Variants in CCDC88B observed in about 807,000 individuals in gnomAD.
The protein encoded by CCDC88B is coiled-coil domain-containing protein 88B.
A neutral mutation model predicts 183.7 loss-of-function variants in CCDC88B; 138 were observed. The observed-to-expected ratio is 0.75, with a 90% CI of 0.65 to 0.87. CCDC88B has a LOEUF of 0.87. Among genes scored for constraint, CCDC88B ranks in the 40% least tolerant of loss-of-function variants. The pLI is 0.00. For missense variants in CCDC88B, 1,822 were observed against 1,965.6 expected (o/e 0.93, Z 1.38); for synonymous variants, 835 against 867.5 (o/e 0.96, Z 0.66).
intron 26 of CCDC88B, chr11:64,356,642 C>T: frequency 3.8e-6 from 1 of 266,594 alleles, no homozygotes; most frequent in Non-Finnish European, 7.1e-6. Context: ...CCCATCTCAC[C>T]TACTTAGCTC....
intron 4 of CCDC88B, 25 bp from the exon 5 acceptor site, chr11:64,341,245 A>AC: frequency 6.2e-7 from 1 of 1,613,758 alleles, no homozygotes; most frequent in Non-Finnish European, 8.5e-7. Context: ...GCCCCAGTTA[A>AC]CCCCTTGTGG....
chr11:64,344,900 G>A lies in CCDC88B; in HGVS notation c.2359G>A (p.Ala787Thr), dbSNP rs1442138833. ...GGCCCACCGGGAGGCAGAGGCCCAG[G>A]CCTGGGAGCAAGCCCGGCTGCGGGA... is the stretch of plus-strand genomic sequence containing the variant. ...AEAHREAEAQ[A>T]WEQARLREAV... is the part of the protein sequence containing the mutation. The change falls in exon 14 of 27, where the codon GCC (alanine) becomes ACC (threonine). Residue 787 changes from alanine to threonine, a missense_variant. By Grantham distance (58) the Ala-to-Thr change is moderately conservative. Transcript: ENST00000356786. This position sits in a 1 kb window ranked among gnomAD's most constrained non-coding sequence, Gnocchi z 4.5. 7 of 1,588,400 alleles carry A rather than the reference G, an allele frequency of 4.4e-6. No individual in the cohort carries two copies. Among genetic ancestry groups the A allele is most frequent in the Non-Finnish European group, 6.0e-6 (7 of 1,167,342 alleles).
Position 64,353,435 on chromosome 11 carries a change from G to A in CCDC88B, c.3772G>A (p.Glu1258Lys), listed in dbSNP as rs369886852. ...TCAGGCCCTGAGCCGGGAGAACAGG[G>A]AGCTCCTGGAGCGCAGCCTGGAGAG... The part of the protein sequence containing the change: ...EVQALSRENR[E>K]LLERSLESRD... The change falls in exon 22 of 27, where the codon GAG (glutamate) becomes AAG (lysine). Residue 1258 changes from glutamate to lysine, a missense_variant. Physicochemically the swap from Glu to Lys is moderately conservative, Grantham distance 56. Coordinates refer to ENST00000356786, the MANE Select transcript of CCDC88B (RefSeq NM_032251.6). 3.1e-6 allele frequency: 5 copies of A among 1,613,006 alleles called. No individual in the cohort carries two copies. The highest frequency in any genetic ancestry group is 4.2e-6 in the Non-Finnish European group (5 of 1,179,978).
intron 25 of CCDC88B, 55 bp from the exon 26 acceptor site, chr11:64,355,505 G>C: frequency 9.3e-6 from 15 of 1,605,296 alleles, no homozygotes; most frequent in Non-Finnish European, 1.3e-5. Flanking sequence ...TCTCCTGCAA[G>C]CTCTGTCCAC....
chr11:64,353,899 G>A (rs2036440527), intron 23 of CCDC88B, 86 bp downstream of exon 23: 2 of 1,586,352 alleles, frequency 1.3e-6, no homozygotes, highest in African/African-American at 1.3e-5. Flanking sequence ...CCCAGCTCAG[G>A]TCCAGGCCCC....
Position 64,341,625 on chromosome 11 carries a change from G to A in CCDC88B, c.558G>A (p.Val186=). 6.2e-7 allele frequency: 1 copy of A among 1,604,520 alleles called. No individual in the cohort carries two copies. The highest frequency in any genetic ancestry group is 1.3e-5 in the African/African-American group (1 of 74,906). ...QEVTQPGAGV[V]LALSGPDPGE... ...TGACCCAGCCGGGGGCCGGCGTGGT[G>A]CTGGCACTGTCTGGGCCAGATCCTG... is the stretch of plus-strand genomic sequence containing the variant. Residue 186 remains valine (V), a synonymous_variant, in exon 7 of 27, where the codon GTG becomes GTA. Transcript: ENST00000356786.
At position 64,353,228 on chromosome 11, in the gene CCDC88B, C is replaced by A; in HGVS notation, c.3675C>A (p.Thr1225=). 6.4e-7 allele frequency: 1 copy of A among 1,565,786 alleles called. No homozygotes were observed. The highest frequency in any genetic ancestry group is 8.7e-7 in the Non-Finnish European group (1 of 1,154,780). The change falls in exon 21 of 27, where the codon ACC becomes ACA. Residue 1225 remains threonine (T), a synonymous_variant. Coordinates refer to ENST00000356786, the MANE Select transcript of CCDC88B (RefSeq NM_032251.6). ...TGGACCTGAGCGCCTGCCGGCTGAC[C>A]ACGCAGTGTGAGGTGTGGCTGGAGG... ...QQLDLSACRL[T]TQCELLTQLR... is the part of the protein sequence containing the mutation.
intron 19 of CCDC88B, 84 bp downstream of exon 19, chr11:64,352,470 T>A: frequency 6.9e-7 from 1 of 1,451,984 alleles, no homozygotes; most frequent in Non-Finnish European, 9.1e-7. Flanking sequence ...TGACTCCCCA[T>A]CAGGAAGCAC....
chr11:64,355,751 C>CAG, intron 26 of CCDC88B, 123 bp downstream of exon 26: 1 of 909,500 alleles, frequency 1.1e-6, no homozygotes, highest in Non-Finnish European at 1.6e-6. Flanking sequence ...GACGTGCTGG[C>CAG]AGGGGACACA....
At position 64,345,057 on chromosome 11, in the gene CCDC88B, C is replaced by T. The variant is rs923486534; in HGVS notation, c.2516C>T (p.Ser839Leu). 2.1e-5 allele frequency: 33 copies of T among 1,548,980 alleles called. No homozygotes were observed. The highest frequency in any genetic ancestry group is 1.2e-4 in the Admixed American group (6 of 51,254). ...GAGGGGTCCAGGCTGCGGGCCCAGT[C>T]GGAGGCCGCCGAGGAACGGATGCAG... ...EREGSRLRAQ[S>L]EAAEERMQVL... is the part of the protein sequence containing the mutation. Residue 839 changes from serine (S) to leucine (L), a missense_variant, in exon 14 of 27, where the codon TCG becomes TTG. Ser to Leu is a moderately radical substitution (Grantham distance 145). Transcript: ENST00000356786.
In CCDC88B at chr11:64,349,406, G is replaced by T. The variant is rs764401104; in HGVS notation, c.2692G>T (p.Ala898Ser). Reference protein sequence around the residue: ...LEHLQRELEQAALERQEFLRE... With the variant: ...LEHLQRELEQSALERQEFLRE... ...GCATTTGCAGCGTGAGCTGGAGCAG[G>T]CGGCTCTCGAGCGCCAGGAATTTCT... is the stretch of plus-strand genomic sequence containing the variant. Residue 898 changes from alanine (A) to serine (S), a missense_variant, in exon 15 of 27, where the codon GCG (alanine) becomes TCG (serine). Coordinates refer to ENST00000356786, the MANE Select transcript of CCDC88B (RefSeq NM_032251.6). 1.9e-6 allele frequency: 3 copies of T among 1,613,598 alleles called. No individual in the cohort carries two copies. In the South Asian group the frequency reaches 3.3e-5, roughly 18 times the overall value.
intron 12 of CCDC88B, 72 bp from the exon 13 acceptor site, chr11:64,343,706 C>T: frequency 1.3e-6 from 2 of 1,532,558 alleles, no homozygotes; most frequent in Non-Finnish European, 1.8e-6. Flanking sequence ...TCCCTTCTCC[C>T]AAGCCTCTGG....
chr11:64,355,244 C>A lies in CCDC88B; in HGVS notation c.4150C>A (p.Arg1384=), dbSNP rs775297027. 9.8e-6 allele frequency: 15 copies of A among 1,536,228 alleles called. No individual in the cohort carries two copies. In the East Asian group the frequency reaches 2.3e-4, roughly 24 times the overall value. ...MRRAQSSLCL[R]DETLAGGQRR... ...CCGGGCCCAGAGCTCCCTCTGCCTG[C>A]GGGATGAGACCTTGGCAGGCGGGCA... The change falls in exon 25 of 27, where the codon CGG becomes AGG. Residue 1384 remains arginine, a synonymous_variant. Coordinates refer to ENST00000356786, the MANE Select transcript of CCDC88B (RefSeq NM_032251.6).
chr11:64,342,920 C>T (rs1350800896), intron 10 of CCDC88B: 1 of 455,728 alleles, frequency 2.2e-6, no homozygotes, highest in African/African-American at 2.9e-5. Flanking sequence ...GAGGGCTGTT[C>T]CCGGGGGGGA....
intron 14 of CCDC88B, among the ~76,000 whole-genome samples, chr11:64,346,601 C>T (rs1343486422): frequency 2.6e-5 from 4 of 151,944 alleles, no homozygotes; most frequent in East Asian, 1.9e-4. Flanking sequence ...CTCCCGCACT[C>T]GGCTAATTTT....
rs766170572 is a variant in CCDC88B, at chr11:64,341,371, C to A, written c.447+43C>A. ...AGGAAAGGTTAGGGTCGAGCTTTGG[C>A]GGTAGAGGAGGGAGATCCTGCACCA... On this transcript the variant is annotated intron_variant, in intron 5 of 26. Transcript: ENST00000356786. 6 of 1,613,778 alleles carry A rather than the reference C, an allele frequency of 3.7e-6. No homozygotes were observed. In the Admixed American group the frequency reaches 1.0e-4, roughly 27 times the overall value.
At chr11:64,352,999 G>A (rs1591297316) in intron 20 of CCDC88B, 55 bp from the exon 21 acceptor site, 2 of 1,521,530 alleles carry the variant, frequency 1.3e-6, no homozygotes, top group Non-Finnish European at 8.9e-7. Flanking sequence ...TCTCTGGCCA[G>A]CACTCGGACT....
In CCDC88B at chr11:64,354,146, G is replaced by T. The variant is rs987965627; in HGVS notation, c.4075G>T (p.Glu1359Ter). 5.8e-6 allele frequency: 8 copies of T among 1,369,918 alleles called. No individual in the cohort carries two copies. In the Admixed American group the frequency reaches 1.3e-4, roughly 22 times the overall value. The allele number at this position is 1,369,918 out of a possible 1,614,324, so 84.9% of individuals were successfully genotyped here. ...GGGCCCCCCGGAGACGGAGCTTCCT[G>T]AGGGCAGGGAGGCAGATGGGACAGG... Reference protein sequence around the residue: ...LGGPPETELPEGREADGTGSP... With the variant: ...LGGPPETELP Residue 1359 changes from glutamate (E) to a stop codon, truncating the protein, a stop_gained, in exon 24 of 27, where the codon GAG becomes TAG. Transcript: ENST00000356786. LOFTEE classifies it high-confidence loss of function.
chr11:64,340,399 G>A (rs1406384412), intron 1 of CCDC88B, 73 bp downstream of exon 1: 4 of 1,277,042 alleles, frequency 3.1e-6, no homozygotes, highest in Non-Finnish European at 3.1e-6. Context: ...GGCGCTGGCC[G>A]GGGGAGGGTG....
Sources: allele counts gnomAD v4.1 joint callset (sites outside exome capture counted in the v4.1 genomes callset), GRCh38; gene constraint gnomAD v4.1.1; non-coding constraint Gnocchi (gnomAD v3.1); transcripts MANE v1.5; gene names NCBI Gene and HGNC (gene_info 2026-07-23, HGNC 2026-07-21).